DENND5A: variants seen among roughly 807,000 people sequenced by gnomAD.
DENND5A encodes the protein DENN domain-containing protein 5A.
DENND5A carries 64 observed loss-of-function variants against 140.3 expected under a neutral mutation model. The ratio of observed to expected loss-of-function variants is 0.46; its 90% confidence interval spans 0.37 to 0.56. DENND5A has a LOEUF of 0.56. Ranked by LOEUF, DENND5A falls within the 20% of genes least tolerant of loss-of-function variation. The pLI is 0.00. For missense variants in DENND5A, 1,292 were observed against 1,593.8 expected (o/e 0.81, Z 3.22); for synonymous variants, 605 against 607.7 (o/e 1.00, Z 0.07).
intron 22 of DENND5A, among the ~76,000 whole-genome samples, chr11:9,141,710 T>A (rs924995839): frequency 6.6e-6 from 1 of 152,200 alleles, no homozygotes; most frequent in African/African-American, 2.4e-5. Flanking sequence ...TATAGGACCA[T>A]CATCCCATAA....
At chr11:9,217,966 T>A (rs1174080606) in intron 1 of DENND5A, among the ~76,000 whole-genome samples, 1 of 152,136 alleles carries the variant, frequency 6.6e-6, no homozygotes, top group African/African-American at 2.4e-5. Flanking sequence ...TAAAAGAATA[T>A]TCAGAAAATA....
At chr11:9,175,257 C>T (rs1055695043) in intron 8 of DENND5A, 1 of 152,034 alleles carries the variant, frequency 6.6e-6, no homozygotes, top group African/African-American at 2.4e-5. Flanking sequence ...TTTAAAATAA[C>T]ACCAAAAAAT....
chr11:9,210,068 T>C (rs1003323011), intron 1 of DENND5A, among the ~76,000 whole-genome samples: 3 of 151,772 alleles, frequency 2.0e-5, no homozygotes, highest in African/African-American at 7.3e-5. Context: ...GATCACACCA[T>C]TATACTCCAG....
chr11:9,166,564 T>C (rs1475346735), intron 10 of DENND5A, among the ~76,000 whole-genome samples: 2 of 152,160 alleles, frequency 1.3e-5, no homozygotes, highest in Non-Finnish European at 2.9e-5. Flanking sequence ...CAAGGCGCAG[T>C]GGCTCACGCC....
chr11:9,183,750 G>T (rs1334929880), intron 5 of DENND5A, among the ~76,000 whole-genome samples: 1 of 152,156 alleles, frequency 6.6e-6, no homozygotes. Context: ...TCCATAAGCA[G>T]TCTTTTGGTA....
intron 1 of DENND5A, among the ~76,000 whole-genome samples, chr11:9,263,233 C>T (rs1248871446): frequency 2.6e-5 from 4 of 151,922 alleles, no homozygotes; most frequent in South Asian, 2.1e-4. Context: ...GACAGAGTCT[C>T]GCTTTATCAC....
Position 9,160,836 on chromosome 11 carries a change from G to T in DENND5A, c.2313C>A (p.Gly771=), listed in dbSNP as rs1297666904. The change falls in exon 12 of 23, where the codon GGC becomes GGA. Residue 771 remains glycine, a synonymous_variant. Transcript: ENST00000328194. ...CATGCCCTAGCTCCACAGCTTCTCGGCCCATCTTTTCCACCAGCATCCTCT... is the reference window on the plus strand; with the variant it reads ...CATGCCCTAGCTCCACAGCTTCTCGTCCCATCTTTTCCACCAGCATCCTCT... The part of the protein sequence containing the change: ...KTKRMLVEKM[G]REAVELGHGE... 1 of 1,613,900 alleles carries T rather than the reference G, an allele frequency of 6.2e-7. No homozygotes were observed. Among genetic ancestry groups the T allele is most frequent in the Non-Finnish European group, 8.5e-7 (1 of 1,179,826 alleles).
intron 4 of DENND5A, among the ~76,000 whole-genome samples, chr11:9,194,134 T>A (rs1372378553): frequency 6.6e-6 from 1 of 152,202 alleles, no homozygotes; most frequent in Non-Finnish European, 1.5e-5. Flanking sequence ...TATGTGAGCT[T>A]TGCCTGCAAA....
intron 1 of DENND5A, among the ~76,000 whole-genome samples, chr11:9,239,125 C>T (rs1166634097): frequency 6.6e-6 from 1 of 152,066 alleles, no homozygotes; most frequent in Non-Finnish European, 1.5e-5. Flanking sequence ...AGCCACTGCG[C>T]CCGGCCTACA....
At chr11:9,194,144 A>G (rs11042217) in intron 4 of DENND5A, among the ~76,000 whole-genome samples, 1 of 152,050 alleles carries the variant, frequency 6.6e-6, no homozygotes, top group African/African-American at 2.4e-5. Flanking sequence ...TTGCCTGCAA[A>G]GTCAAGCACA....
chr11:9,192,455 C>T (rs375975571), intron 5 of DENND5A, among the ~76,000 whole-genome samples: 2 of 151,964 alleles, frequency 1.3e-5, no homozygotes, highest in Admixed American at 6.6e-5. Context: ...AGTGAAACCC[C>T]GTCTCTACTA....
chr11:9,206,557 C>T (rs1849697230), intron 3 of DENND5A, 116 bp downstream of exon 3: 3 of 759,992 alleles, frequency 3.9e-6, no homozygotes, highest in African/African-American at 3.5e-5. Flanking sequence ...CATTATAATC[C>T]TTTCTTCAAA....
chr11:9,232,259 T>C (rs1316374762), intron 1 of DENND5A, among the ~76,000 whole-genome samples: 1 of 152,160 alleles, frequency 6.6e-6, no homozygotes, highest in African/African-American at 2.4e-5. Context: ...TTAAAACTTT[T>C]GTTCCTTGAA....
intron 1 of DENND5A, among the ~76,000 whole-genome samples, chr11:9,239,335 C>CT (rs1213339417): frequency 0.05 from 6,117 of 121,272 alleles, 564 homozygotes; most frequent in African/African-American, 0.16. Context: ...CCTGGCTAAA[C>CT]TTTTTTTTTT....
At chr11:9,175,381 G>C (rs78262677) in intron 8 of DENND5A, 1 of 152,148 alleles carries the variant, frequency 6.6e-6, no homozygotes, top group Non-Finnish European at 1.5e-5. Context: ...GATATGCCAT[G>C]TTAATGGATC....
intron 3 of DENND5A, among the ~76,000 whole-genome samples, chr11:9,205,768 G>A (rs746799502): frequency 4.6e-5 from 7 of 152,154 alleles, no homozygotes; most frequent in Non-Finnish European, 7.3e-5. Context: ...ATAGTGTCGT[G>A]CACCAGTAGT....
chr11:9,242,002 G>A (rs1369442896), intron 1 of DENND5A, among the ~76,000 whole-genome samples: 9 of 119,042 alleles, frequency 7.6e-5, no homozygotes, highest in Non-Finnish European at 1.3e-4. Flanking sequence ...CAACATGAGC[G>A]AAACTCCGTC....
At chr11:9,203,127 T>C (rs1391897516) in intron 4 of DENND5A, among the ~76,000 whole-genome samples, 1 of 152,218 alleles carries the variant, frequency 6.6e-6, no homozygotes, top group Non-Finnish European at 1.5e-5. Context: ...GCCTGGCTCA[T>C]TAAGTAAGCA....
rs755930113 is a variant in DENND5A at position 9,203,958 on chromosome 11, C to G, written c.651G>C (p.Lys217Asn). 21 of 1,614,100 alleles carry G rather than the reference C, an allele frequency of 1.3e-5. No homozygotes were observed. Among genetic ancestry groups the G allele is most frequent in the Non-Finnish European group, 1.8e-5 (21 of 1,180,018 alleles). Residue 217 changes from lysine to asparagine, a missense_variant, in exon 4 of 23, where the codon AAG (lysine) becomes AAC (asparagine). By Grantham distance (94) the Lys-to-Asn change is moderately conservative. This residue lies in a region of DENND5A where 566 missense variants were observed against 650.4 expected (regional missense o/e 0.87). Coordinates refer to ENST00000328194, the MANE Select transcript of DENND5A (RefSeq NM_015213.4). ...ICLITPMSFM[K>N]ACRSVLEQLH... is the part of the protein sequence containing the mutation. ...GTTGCTCCAGCACGCTCCGACATGC[C>G]TTCATGAAAGACATGGGTGTGATGA...
Sources: allele counts gnomAD v4.1 joint callset (sites outside exome capture counted in the v4.1 genomes callset), GRCh38; gene constraint gnomAD v4.1.1; regional missense constraint gnomAD v4.1.1; transcripts MANE v1.5; gene names NCBI Gene and HGNC (gene_info 2026-07-23, HGNC 2026-07-21).